Variants in LRCH1 observed in about 807,000 individuals in gnomAD.
LRCH1 encodes leucine-rich repeat and calponin homology domain-containing protein 1.
In LRCH1, 23 loss-of-function variants were observed where a neutral mutation model predicts 94.9. The ratio of observed to expected loss-of-function variants is 0.24; its 90% confidence interval spans 0.17 to 0.34. The LOEUF (loss-of-function observed/expected upper bound fraction) is 0.34. LRCH1 is among the 10% of genes least tolerant of loss of function. LRCH1 has a pLI of 1.00. For missense variants in LRCH1, 790 were observed against 945.9 expected (o/e 0.84, Z 2.16); for synonymous variants, 364 against 354.9 (o/e 1.03, Z -0.29).
At chr13:46,700,676 T>C (rs1355637703) in intron 10 of LRCH1, among the ~76,000 whole-genome samples, 1 of 152,206 alleles carries the variant, frequency 6.6e-6, no homozygotes, top group Admixed American at 6.5e-5. Context: ...GAGTTTGGAC[T>C]GAGAACCACT....
intron 1 of LRCH1, among the ~76,000 whole-genome samples, chr13:46,570,412 T>A (rs776182236): frequency 7.2e-5 from 11 of 152,176 alleles, no homozygotes; most frequent in Non-Finnish European, 1.6e-4. Flanking sequence ...TCCAAAAAAA[T>A]TGAGAATTAG....
chr13:46,637,241 T>A (rs1405256451), intron 1 of LRCH1, among the ~76,000 whole-genome samples: 1 of 152,200 alleles, frequency 6.6e-6, no homozygotes, highest in African/African-American at 2.4e-5. Context: ...TCACTTCCAC[T>A]CTGCCACTCA....
chr13:46,672,817 T>TA (rs2051619145), intron 3 of LRCH1, among the ~76,000 whole-genome samples: 1 of 152,316 alleles, frequency 6.6e-6, no homozygotes, highest in Middle Eastern at 3.4e-3. Flanking sequence ...TAGGGGATTG[T>TA]AAAAGGCATT....
intron 1 of LRCH1, among the ~76,000 whole-genome samples, chr13:46,583,895 G>A (rs1257581045): frequency 1.3e-5 from 2 of 151,884 alleles, no homozygotes; most frequent in Non-Finnish European, 2.9e-5. Context: ...CAAGTAGCTG[G>A]GATTACAGGC....
chr13:46,718,596 T>C (rs1041891179), intron 16 of LRCH1, among the ~76,000 whole-genome samples: 1 of 152,202 alleles, frequency 6.6e-6, no homozygotes, highest in Admixed American at 6.5e-5. Flanking sequence ...GTAAATTGTC[T>C]AAGACCATAG....
intron 2 of LRCH1, among the ~76,000 whole-genome samples, 186 bp from the exon 3 acceptor site, chr13:46,668,842 GAA>G (rs1228359362): frequency 6.9e-6 from 1 of 145,204 alleles, no homozygotes; most frequent in Non-Finnish European, 1.5e-5. Context: ...TTTAAAAAAA[GAA>G]AAACATATTT....
chr13:46,733,718 G>A (rs1873228064), intron 18 of LRCH1, among the ~76,000 whole-genome samples: 1 of 152,026 alleles, frequency 6.6e-6, no homozygotes, highest in Non-Finnish European at 1.5e-5. Context: ...TGGAAGAATA[G>A]AATCTAAAAT....
chr13:46,596,491 A>G (rs2050564504), intron 1 of LRCH1, among the ~76,000 whole-genome samples: 1 of 152,266 alleles, frequency 6.6e-6, no homozygotes. Flanking sequence ...TGCTATGAAT[A>G]GCAAATTGGA....
Position 46,744,002 on chromosome 13 carries a change from G to A in LRCH1, c.*2154G>A, listed in dbSNP as rs374181265. On this transcript the variant is annotated 3_prime_UTR_variant, in exon 20 of 20. Coordinates refer to ENST00000389797, the MANE Select transcript of LRCH1 (RefSeq NM_001164211.2). ...TTTATTGGATGATGTTTTTTCATTA[G>A]TAGTATGGTAACTAGCAGAACACAA... is the stretch of plus-strand genomic sequence containing the variant. 3 of 985,176 alleles carry A rather than the reference G, an allele frequency of 3.0e-6. No homozygotes were observed. The African/African-American group carries it at 5.2e-5, about 17-fold the overall frequency. 61.0% of individuals were successfully genotyped at this position (985,176 alleles called of 1,614,324 possible). A position where few individuals can be genotyped will look rare whatever the true frequency, so the allele number is the denominator to read the frequency against.
At chr13:46,601,589 C>A (rs1447601808) in intron 1 of LRCH1, among the ~76,000 whole-genome samples, 1 of 152,146 alleles carries the variant, frequency 6.6e-6, no homozygotes, top group Admixed American at 6.5e-5. Context: ...TCATCAAATT[C>A]TTTTAAATCC....
At chr13:46,719,613 C>G (rs1479433991) in intron 16 of LRCH1, among the ~76,000 whole-genome samples, 1 of 152,248 alleles carries the variant, frequency 6.6e-6, no homozygotes, top group Non-Finnish European at 1.5e-5. Flanking sequence ...ATTTGATATT[C>G]TACGTAAGCA....
At chr13:46,686,228 A>G (rs2138150353) in intron 5 of LRCH1, among the ~76,000 whole-genome samples, 187 bp downstream of exon 5, 1 of 152,360 alleles carries the variant, frequency 6.6e-6, no homozygotes, top group South Asian at 2.1e-4. Context: ...GTGAAGACCC[A>G]AAGATACAGG....
chr13:46,593,625 C>A (rs1417062456), intron 1 of LRCH1, among the ~76,000 whole-genome samples: 1 of 152,036 alleles, frequency 6.6e-6, no homozygotes, highest in Non-Finnish European at 1.5e-5. Flanking sequence ...CCTAGTTAAC[C>A]GTGGGCAGGT....
At chr13:46,616,603 A>G (rs985247573) in intron 1 of LRCH1, among the ~76,000 whole-genome samples, 2 of 152,248 alleles carry the variant, frequency 1.3e-5, no homozygotes, top group African/African-American at 2.4e-5. Context: ...GGAGTAAACA[A>G]TCATTCGTAA....
At chr13:46,656,236 AAATTT>A (rs1273643996) in intron 2 of LRCH1, among the ~76,000 whole-genome samples, 1 of 152,230 alleles carries the variant, frequency 6.6e-6, no homozygotes, top group Admixed American at 6.5e-5. Flanking sequence ...ACTAAAAATT[AAATTT>A]AACTACATTT....
intron 1 of LRCH1, among the ~76,000 whole-genome samples, chr13:46,565,852 G>A (rs1019624382): frequency 1.1e-4 from 11 of 100,322 alleles, no homozygotes; most frequent in South Asian, 3.6e-4. Flanking sequence ...TAATAATAAT[G>A]ACAACAATAA....
exon 19 of LRCH1, chr13:46,750,757 C>T (rs1051881617): frequency 2.9e-6 from 2 of 696,012 alleles, no homozygotes; most frequent in Admixed American, 5.9e-5. Flanking sequence ...CCTGTCACTT[C>T]ACTGACTCCA....
chr13:46,573,866 A>ATATATATATATATATATATATATATTTTT, intron 1 of LRCH1, among the ~76,000 whole-genome samples: 20 of 63,354 alleles, frequency 3.2e-4, no homozygotes, highest in Non-Finnish European at 5.4e-4. Context: ...ATATATATAT[A>ATATATATATATATATATATATATATTTTT]TTTTTTTTTT....
At chr13:46,627,995 G>A (rs376216352) in intron 1 of LRCH1, among the ~76,000 whole-genome samples, 1 of 152,056 alleles carries the variant, frequency 6.6e-6, no homozygotes. Flanking sequence ...TATTGGTTTG[G>A]GGCAGTCTGG....
Sources: gnomAD v4.1 joint callset for allele counts (sites outside exome capture counted in the v4.1 genomes callset) on GRCh38, gnomAD v4.1.1 for gene constraint, MANE v1.5 for transcripts, NCBI Gene and HGNC (gene_info 2026-07-23, HGNC 2026-07-21) for gene names.